MEF2A: variants seen among roughly 807,000 people sequenced by gnomAD.
MEF2A encodes myocyte enhancer factor 2A.
MEF2A carries 28 observed loss-of-function variants against 55.8 expected under a neutral mutation model. The ratio of observed to expected loss-of-function variants is 0.50; its 90% CI spans 0.37 to 0.69. The LOEUF is 0.69. Ranked by LOEUF, MEF2A falls within the 30% of genes least tolerant of loss-of-function variation. The pLI, the probability that MEF2A is intolerant of heterozygous loss-of-function variation, is 0.00. For missense variants in MEF2A, 528 were observed against 626.2 expected (o/e 0.84, Z 1.67); for synonymous variants, 239 against 227.1 (o/e 1.05, Z -0.47).
At chr15:99,641,298 C>G (rs1000084674) in intron 3 of MEF2A, among the ~76,000 whole-genome samples, 1 of 152,186 alleles carries the variant, frequency 6.6e-6, no homozygotes, top group Admixed American at 6.5e-5. Flanking sequence ...TTTTGTACTG[C>G]CCAGGTTTCA....
At chr15:99,579,758 T>G (rs1965379158) in intron 1 of MEF2A, among the ~76,000 whole-genome samples, 1 of 152,208 alleles carries the variant, frequency 6.6e-6, no homozygotes, top group Non-Finnish European at 1.5e-5. Context: ...CCCTCTTTTG[T>G]CAGTATAGAG....
intron 4 of MEF2A, among the ~76,000 whole-genome samples, chr15:99,662,154 G>A (rs1398669516): frequency 6.6e-6 from 1 of 152,290 alleles, no homozygotes; most frequent in East Asian, 1.9e-4. Context: ...GGTATTAACT[G>A]TAAAGGTGGG....
intron 4 of MEF2A, among the ~76,000 whole-genome samples, chr15:99,653,957 A>G (rs1490505431): frequency 6.6e-6 from 1 of 152,172 alleles, no homozygotes; most frequent in Admixed American, 6.5e-5. Context: ...CTCTGAAAAA[A>G]GAACGTAGAA....
intron 4 of MEF2A, among the ~76,000 whole-genome samples, chr15:99,647,227 A>C (rs183142353): frequency 6.6e-6 from 1 of 151,188 alleles, no homozygotes; most frequent in Non-Finnish European, 1.5e-5. Context: ...GGTATCATTC[A>C]GGTAAGCTTT....
intron 3 of MEF2A, among the ~76,000 whole-genome samples, chr15:99,642,121 T>C (rs953542768): frequency 6.6e-6 from 1 of 152,172 alleles, no homozygotes; most frequent in Non-Finnish European, 1.5e-5. Context: ...CTTGGCTAGG[T>C]CTAACGTTCT....
intron 8 of MEF2A, among the ~76,000 whole-genome samples, chr15:99,692,808 T>C (rs1434181193): frequency 1.3e-5 from 2 of 152,210 alleles, no homozygotes; most frequent in Non-Finnish European, 2.9e-5. Flanking sequence ...ACAAAAGCTT[T>C]AATCTCTGAG....
rs1597362101 is a variant in MEF2A at position 99,713,981 on chromosome 15, T to G, written c.*1210T>G. ...AAAAGGCGAGGTCCTTTATTAAGTA[T>G]TCACTGTTTAATATTTACTATTTTG... On this transcript the variant is annotated 3_prime_UTR_variant, in exon 12 of 12. Transcript: ENST00000557942. 1.3e-5 allele frequency: 2 copies of G among 152,336 alleles called. No individual in the cohort carries two copies. Among genetic ancestry groups the G allele is most frequent in the East Asian group, 3.9e-4 (2 of 5,192 alleles). 9.4% of individuals were successfully genotyped at this position (152,336 alleles called of 1,614,324 possible). A position where few individuals can be genotyped will look rare whatever the true frequency, so the allele number is the denominator to read the frequency against.
chr15:99,607,727 A>G (rs1048292743), intron 2 of MEF2A, among the ~76,000 whole-genome samples: 1 of 152,130 alleles, frequency 6.6e-6, no homozygotes, highest in South Asian at 2.1e-4. Flanking sequence ...GCCTTGCTGT[A>G]TCCTTTATTT....
At chr15:99,692,851 C>T (rs1430592672) in intron 8 of MEF2A, among the ~76,000 whole-genome samples, 1 of 152,146 alleles carries the variant, frequency 6.6e-6, no homozygotes, top group Non-Finnish European at 1.5e-5. Context: ...ACTCTTAGGG[C>T]ACTGTTGAAA....
At chr15:99,635,870 A>G (rs1188637238) in intron 3 of MEF2A, among the ~76,000 whole-genome samples, 2 of 152,160 alleles carry the variant, frequency 1.3e-5, no homozygotes, top group African/African-American at 4.8e-5. Flanking sequence ...CTTTGGTACT[A>G]TTATGAAGAC....
intron 1 of MEF2A, among the ~76,000 whole-genome samples, chr15:99,584,811 C>A (rs1448110819): frequency 1.3e-5 from 2 of 152,162 alleles, no homozygotes; most frequent in Non-Finnish European, 2.9e-5. Flanking sequence ...TCAAAACATT[C>A]AAGTGTATGC....
At chr15:99,686,885 A>C (rs904076903) in intron 7 of MEF2A, among the ~76,000 whole-genome samples, 2 of 151,434 alleles carry the variant, frequency 1.3e-5, no homozygotes, top group Admixed American at 1.3e-4. Flanking sequence ...CGTAATCTCA[A>C]ATTTTTTGGA....
chr15:99,590,029 C>G (rs1017734177), intron 1 of MEF2A, among the ~76,000 whole-genome samples: 1 of 151,966 alleles, frequency 6.6e-6, no homozygotes, highest in Non-Finnish European at 1.5e-5. Context: ...TTGTTCAGGT[C>G]TTATACATCT....
chr15:99,623,868 T>C (rs2041649011), intron 2 of MEF2A, among the ~76,000 whole-genome samples: 1 of 151,508 alleles, frequency 6.6e-6, no homozygotes, highest in Non-Finnish European at 1.5e-5. Flanking sequence ...AGTGCAATGG[T>C]GCGATCATGG....
chr15:99,568,146 T>G (rs1246558870), intron 1 of MEF2A, among the ~76,000 whole-genome samples: 1 of 152,218 alleles, frequency 6.6e-6, no homozygotes, highest in Non-Finnish European at 1.5e-5. Flanking sequence ...AGTGTTAAAA[T>G]TACACTTTAC....
intron 4 of MEF2A, among the ~76,000 whole-genome samples, chr15:99,665,503 G>T (rs2862869): frequency 6.6e-6 from 1 of 151,490 alleles, no homozygotes; most frequent in Non-Finnish European, 1.5e-5. Context: ...AAGTAGTACC[G>T]TTCAGGACAT....
intron 4 of MEF2A, among the ~76,000 whole-genome samples, chr15:99,648,850 C>T (rs910738080): frequency 3.9e-5 from 6 of 152,016 alleles, no homozygotes; most frequent in African/African-American, 1.2e-4. Context: ...TAGTACAGGA[C>T]GCACGTGTAT....
At chr15:99,579,585 G>A (rs1409097336) in intron 1 of MEF2A, among the ~76,000 whole-genome samples, 13 of 151,934 alleles carry the variant, frequency 8.6e-5, no homozygotes, top group African/African-American at 2.9e-4. Flanking sequence ...TAGTAGAGAC[G>A]GGGTTTTGCC....
intron 1 of MEF2A, among the ~76,000 whole-genome samples, chr15:99,578,692 C>T (rs138890107): frequency 6.0e-4 from 91 of 152,284 alleles, no homozygotes; most frequent in African/African-American, 1.9e-3. Flanking sequence ...TCTGCTATAA[C>T]GCAGCATATT....
Sources: gnomAD v4.1 joint callset for allele counts (sites outside exome capture counted in the v4.1 genomes callset) on GRCh38, gnomAD v4.1.1 for gene constraint, MANE v1.5 for transcripts, NCBI Gene and HGNC (gene_info 2026-07-23, HGNC 2026-07-21) for gene names.